QRICH2: variants seen among roughly 807,000 people sequenced by gnomAD.
QRICH2 encodes glutamine rich 2.
Under a neutral mutation model 168.3 loss-of-function variants are expected in QRICH2, and 119 were observed. The observed-to-expected ratio is 0.71, with a 90% CI of 0.61 to 0.82. The LOEUF (loss-of-function observed/expected upper bound fraction) is 0.82, where lower values mean the gene tolerates loss of function less well. Ranked by LOEUF, QRICH2 falls within the 40% of genes least tolerant of loss-of-function variation. The probability of loss-of-function intolerance (pLI) is 0.00; values close to 1 mark genes in which losing one functional copy is unlikely to be tolerated. For missense variants in QRICH2, 2,241 were observed against 2,491.6 expected (o/e 0.90, Z 2.14); for synonymous variants, 894 against 951.2 (o/e 0.94, Z 1.11).
intron 15 of QRICH2, among the ~76,000 whole-genome samples, chr17:76,277,744 A>C (rs1403084238): frequency 1.3e-5 from 2 of 151,706 alleles, no homozygotes; most frequent in Non-Finnish European, 2.9e-5. Context: ...TCACTCCCAC[A>C]CTCATACACA....
In QRICH2 at chr17:76,277,173, A is replaced by G; in HGVS notation, c.5255T>C (p.Ile1752Thr). The G allele has an allele frequency of 1.3e-6, 2 of 1,583,998 alleles. No individual in the cohort carries two copies. The highest frequency in any genetic ancestry group is 2.3e-5 in the South Asian group (2 of 86,836). ...AGGCAGGGCCCTGACCTTCATGGCA[A>G]TCTGGATCTCTTCAGTAGGATACAG... Reference protein sequence around the residue: ...RGLYPTEEIQIAMKHDEVDIL... With the variant: ...RGLYPTEEIQTAMKHDEVDIL... Residue 1752 changes from isoleucine (I) to threonine (T), a missense_variant, in exon 16 of 19, where the codon ATT becomes ACT. Ile to Thr is a moderately conservative substitution (Grantham distance 89). Around this residue, in one of 3 missense-constraint regions of QRICH2, gnomAD observed 2,047 missense variants for 2,303.8 expected, o/e 0.89. Transcript: ENST00000680821.
Position 76,276,777 on chromosome 17 carries a change from T to G in QRICH2, c.5266-10A>C. 1 of 1,605,950 alleles carries G rather than the reference T, an allele frequency of 6.2e-7. No homozygotes were observed. The highest frequency in any genetic ancestry group is 8.5e-7 in the Non-Finnish European group (1 of 1,175,608). On this transcript the variant is annotated splice_polypyrimidine_tract_variant and intron_variant, in intron 16 of 18. Transcript: ENST00000680821. Reference sequence around the variant, plus strand: ...TGTCCACCTCATCATGCTGTAGAAGTGAACAGATACCGTCGCCACTGTAGC... The same window carrying G: ...TGTCCACCTCATCATGCTGTAGAAGGGAACAGATACCGTCGCCACTGTAGC...
chr17:76,303,026 G>C (rs2070930714), intron 3 of QRICH2, among the ~76,000 whole-genome samples: 1 of 152,006 alleles, frequency 6.6e-6, no homozygotes, highest in Non-Finnish European at 1.5e-5. Flanking sequence ...TGCGATTACA[G>C]GTGTGCACCA....
chr17:76,305,163 TCC>T (rs2070972516), intron 1 of QRICH2, among the ~76,000 whole-genome samples: 1 of 135,822 alleles, frequency 7.4e-6, no homozygotes, highest in African/African-American at 3.2e-5. Context: ...TTTTTTGGTT[TCC>T]TTTTTTTTTT....
chr17:76,307,769 T>G lies in QRICH2; in HGVS notation c.230A>C (p.Lys77Thr). ...SFSIPHLPAPKEVPKGAPREK... is the reference protein window; with the variant it reads ...SFSIPHLPAPTEVPKGAPREK... Reference sequence around the variant, plus strand: ...CCGGGGCGCCCCCTTGGGCACCTCCTTGGGCGCGGGCAGGTGCGGGATGCT... The same window carrying G: ...CCGGGGCGCCCCCTTGGGCACCTCCGTGGGCGCGGGCAGGTGCGGGATGCT... Residue 77 changes from lysine (K) to threonine (T), a missense_variant, in exon 1 of 19, where the codon AAG (lysine) becomes ACG (threonine). Physicochemically the swap from Lys to Thr is moderately conservative, Grantham distance 78. Transcript: ENST00000680821. This position sits in a 1 kb window ranked among gnomAD's most constrained non-coding sequence, Gnocchi z 5.3. The G allele has an allele frequency of 7.2e-7, 1 of 1,385,150 alleles. No individual in the cohort carries two copies. The highest frequency in any genetic ancestry group is 1.5e-5 in the African/African-American group (1 of 67,122). 85.8% of individuals were successfully genotyped at this position (1,385,150 alleles called of 1,614,324 possible). A position where few individuals can be genotyped will look rare whatever the true frequency, so the allele number is the denominator to read the frequency against.
Position 76,282,180 on chromosome 17 carries a change from C to G in QRICH2, c.4012-65G>C, listed in dbSNP as rs1378191129. ...CAGTCACGGCCACGCTCTGCCCATGCTGGCACTGCCCCTAGCCTGTGTGCC... is the reference window on the plus strand; with the variant it reads ...CAGTCACGGCCACGCTCTGCCCATGGTGGCACTGCCCCTAGCCTGTGTGCC... On this transcript the variant is annotated intron_variant, in intron 7 of 18. Coordinates refer to ENST00000680821, the MANE Select transcript of QRICH2 (RefSeq NM_001388453.1). 12 of 1,525,108 alleles carry G rather than the reference C, an allele frequency of 7.9e-6. No individual in the cohort carries two copies. In the East Asian group the frequency reaches 2.8e-4, roughly 36 times the overall value. 94.5% of individuals were successfully genotyped at this position (1,525,108 alleles called of 1,614,324 possible). A position where few individuals can be genotyped will look rare whatever the true frequency, so the allele number is the denominator to read the frequency against.
At position 76,291,927 on chromosome 17, in the gene QRICH2, G is replaced by A; in HGVS notation, c.2800C>T (p.Pro934Ser). The A allele has an allele frequency of 6.2e-7, 1 of 1,614,206 alleles. No homozygotes were observed. ...PQADPHGLVQ[P>S]GAYPLGLVQP... ...ACCAAACCAAGAGGATAGGCACCAG[G>A]TTGTACCAGGCCATGTGGATCTGCC... The change falls in exon 4 of 19, where the codon CCT (proline) becomes TCT (serine). Residue 934 changes from proline (P) to serine (S), a missense_variant. Coordinates refer to ENST00000680821, the MANE Select transcript of QRICH2 (RefSeq NM_001388453.1).
Position 76,280,089 on chromosome 17 carries a change from C to T in QRICH2, c.4692G>A (p.Gln1564=). The part of the protein sequence containing the change: ...LLEDRWKSLR[Q]QLRERPPLYQ... ...AGAGTGGGGGGCGCTCCCTGAGCTGCTGTCGCAGCGATTTCCACCGATCCT... is the reference window on the plus strand; with the variant it reads ...AGAGTGGGGGGCGCTCCCTGAGCTGTTGTCGCAGCGATTTCCACCGATCCT... Residue 1564 remains glutamine (Q), a synonymous_variant, in exon 12 of 19, where the codon CAG becomes CAA. Coordinates refer to ENST00000680821, the MANE Select transcript of QRICH2 (RefSeq NM_001388453.1). The surrounding 1 kb of genome is among the most constrained non-coding windows in gnomAD (Gnocchi z 7.4). 1 of 1,613,732 alleles carries T rather than the reference C, an allele frequency of 6.2e-7. No individual in the cohort carries two copies. The highest frequency in any genetic ancestry group is 8.5e-7 in the Non-Finnish European group (1 of 1,180,004).
intron 13 of QRICH2, 69 bp downstream of exon 13, chr17:76,279,294 G>A: frequency 7.1e-7 from 1 of 1,415,672 alleles, no homozygotes; most frequent in South Asian, 1.2e-5. Context: ...GAGGACAGGT[G>A]GACACAGGTG....
chr17:76,287,863 C>T lies in QRICH2; in HGVS notation c.3833G>A (p.Gly1278Glu), dbSNP rs757438651. The change falls in exon 6 of 19, where the codon GGG (glycine) becomes GAG (glutamate). Residue 1278 changes from glycine to glutamate, a missense_variant. Coordinates refer to ENST00000680821, the MANE Select transcript of QRICH2 (RefSeq NM_001388453.1). ...CAGTTCCTTCCCTGCTTCTTGATTC[C>T]CTTCCCCTTCCAGGATCCTCTGCAG... is the stretch of plus-strand genomic sequence containing the variant. ...ERLQRILEGE[G>E]NQEAGKELKA... The T allele has an allele frequency of 1.2e-6, 2 of 1,614,070 alleles. No homozygotes were observed. The highest frequency in any genetic ancestry group is 2.2e-5 in the South Asian group (2 of 91,076).
chr17:76,298,865 C>T (rs2070849822), intron 3 of QRICH2, among the ~76,000 whole-genome samples: 1 of 152,144 alleles, frequency 6.6e-6, no homozygotes, highest in Non-Finnish European at 1.5e-5. Context: ...ATCCGTCTGC[C>T]TCGGCTTCCC....
intron 3 of QRICH2, among the ~76,000 whole-genome samples, chr17:76,295,209 A>C (rs2070776900): frequency 6.6e-6 from 1 of 152,060 alleles, no homozygotes; most frequent in Non-Finnish European, 1.5e-5. Context: ...CAGTGAGCTG[A>C]GATCGCACCA....
chr17:76,307,910 A>C lies in QRICH2; in HGVS notation c.89T>G (p.Leu30Arg). The stretch of plus-strand genomic sequence containing the variant: ...GAGCATGGCCACGATGAGCGTGTGC[A>C]GGGCCGTGAAGTTGACGGCGCCCAC... ...PEVGAVNFTA[L>R]HTLIVAMLKN... Residue 30 changes from leucine to arginine, a missense_variant, in exon 1 of 19, where the codon CTG (leucine) becomes CGG (arginine). Physicochemically the swap from Leu to Arg is moderately radical, Grantham distance 102. This residue lies in a region of QRICH2 where 2,047 missense variants were observed against 2,303.8 expected (regional missense o/e 0.89). Transcript: ENST00000680821. This position sits in a 1 kb window ranked among gnomAD's most constrained non-coding sequence, Gnocchi z 5.3. 4 of 1,241,708 alleles carry C rather than the reference A, an allele frequency of 3.2e-6. No individual in the cohort carries two copies. Among genetic ancestry groups the C allele is most frequent in the Non-Finnish European group, 4.0e-6 (4 of 993,396 alleles). The allele number at this position is 1,241,708 out of a possible 1,614,324, so 76.9% of individuals were successfully genotyped here. A position where few individuals can be genotyped will look rare whatever the true frequency, so the allele number is the denominator to read the frequency against.
chr17:76,274,359 G>T (rs1303035938), intron 18 of QRICH2, 99 bp from the exon 19 acceptor site: 3 of 1,278,436 alleles, frequency 2.3e-6, no homozygotes, highest in African/African-American at 3.1e-5. Context: ...GAGCAGTTCT[G>T]TTCGCCATGC....
Position 76,307,772 on chromosome 17 carries a change from G to A in QRICH2, c.227C>T (p.Pro76Leu). Reference sequence around the variant, plus strand: ...GGGCGCCCCCTTGGGCACCTCCTTGGGCGCGGGCAGGTGCGGGATGCTGAA... The same window carrying A: ...GGGCGCCCCCTTGGGCACCTCCTTGAGCGCGGGCAGGTGCGGGATGCTGAA... The part of the protein sequence containing the change: ...SSFSIPHLPA[P>L]KEVPKGAPRE... The change falls in exon 1 of 19, where the codon CCC becomes CTC. Residue 76 changes from proline (P) to leucine (L), a missense_variant. Physicochemically the swap from Pro to Leu is moderately conservative, Grantham distance 98. Around this residue, in one of 3 missense-constraint regions of QRICH2, gnomAD observed 2,047 missense variants for 2,303.8 expected, o/e 0.89. Coordinates refer to ENST00000680821, the MANE Select transcript of QRICH2 (RefSeq NM_001388453.1). This position sits in a 1 kb window ranked among gnomAD's most constrained non-coding sequence, Gnocchi z 5.3. 1 of 1,385,898 alleles carries A rather than the reference G, an allele frequency of 7.2e-7. No individual in the cohort carries two copies. The highest frequency in any genetic ancestry group is 9.3e-7 in the Non-Finnish European group (1 of 1,074,254). 85.9% of individuals were successfully genotyped at this position (1,385,898 alleles called of 1,614,324 possible).
At chr17:76,299,785 T>C (rs1013115437) in intron 3 of QRICH2, among the ~76,000 whole-genome samples, 4 of 151,480 alleles carry the variant, frequency 2.6e-5, no homozygotes, top group African/African-American at 7.3e-5. Context: ...ACAAAAGGAA[T>C]GGACTAGAAA....
intron 7 of QRICH2, among the ~76,000 whole-genome samples, chr17:76,286,058 C>T (rs1397260623): frequency 6.6e-6 from 1 of 151,940 alleles, no homozygotes; most frequent in East Asian, 1.9e-4. Context: ...GCCTGTAGTC[C>T]CAGCTACTCG....
chr17:76,277,454 A>C, intron 15 of QRICH2, 144 bp from the exon 16 acceptor site: 3 of 984,752 alleles, frequency 3.0e-6, no homozygotes, highest in African/African-American at 1.7e-5. Flanking sequence ...GGGGCCCAGA[A>C]CAGGCGGGCG....
intron 7 of QRICH2, 104 bp from the exon 8 acceptor site, chr17:76,282,219 GC>G (rs761999568): frequency 5.0e-6 from 7 of 1,407,850 alleles, no homozygotes; most frequent in African/African-American, 1.4e-5. Context: ...CCCCTGTCGT[GC>G]CCTGGGCAGT....
Sources: gnomAD v4.1 joint callset for allele counts (sites outside exome capture counted in the v4.1 genomes callset) on GRCh38, gnomAD v4.1.1 for gene constraint, gnomAD v4.1.1 regional missense constraint, Gnocchi (gnomAD v3.1) non-coding constraint, MANE v1.5 for transcripts, NCBI Gene and HGNC (gene_info 2026-07-23, HGNC 2026-07-21) for gene names.